The following ATP7A variants were observed in gnomAD, a reference collection of about 807,000 sequenced individuals.
ATP7A encodes the protein ATPase copper transporting alpha.
In ATP7A, 7 loss-of-function variants were observed where a neutral mutation model predicts 83.5. The observed-to-expected ratio is 0.08, with a 90% CI of 0.05 to 0.16. ATP7A has a LOEUF of 0.16. Among genes scored for constraint, ATP7A ranks in the 10% least tolerant of loss-of-function variants. The pLI is 1.00. For missense variants in ATP7A, 940 were observed against 1,120.8 expected (o/e 0.84, Z 2.30); for synonymous variants, 354 against 395.2 (o/e 0.90, Z 1.24).
At chrX:78,043,553 A>G (rs1200437060) in intron 21 of ATP7A, 119 bp downstream of exon 21, 13 of 547,324 alleles carry the variant, frequency 2.4e-5, no homozygotes, top group Admixed American at 9.6e-5. Flanking sequence ...GCCTACTGGT[A>G]TGGTGAGAGG....
chrX:78,029,155 T>A, intron 14 of ATP7A, 95 bp from the exon 15 acceptor site: 1 of 961,359 alleles, frequency 1.0e-6, no homozygotes, highest in Non-Finnish European at 1.5e-6. Flanking sequence ...TGTCACTTTT[T>A]AAATTGTGGT....
In ATP7A at chrX:77,989,873, G is replaced by T. The variant is rs781846400; in HGVS notation, c.1251G>T (p.Gly417=). Residue 417 remains glycine, a synonymous_variant, in exon 4 of 23, where the codon GGG becomes GGT. Transcript: ENST00000341514. ...SIRVSLANSN[G]TVEYDPLLTS... ...GAGTCTCCCTTGCAAATAGCAATGG[G>T]ACTGTTGAGTATGATCCTCTACTAA... 8.3e-7 allele frequency: 1 copy of T among 1,210,330 alleles called. No homozygotes were observed. The highest frequency in any genetic ancestry group is 1.1e-6 in the Non-Finnish European group (1 of 894,533).
intron 17 of ATP7A, 108 bp from the exon 18 acceptor site, chrX:78,038,728 G>C: frequency 1.1e-6 from 1 of 882,576 alleles, no homozygotes; most frequent in Non-Finnish European, 1.6e-6. Context: ...TGTTCTAGGA[G>C]CAATACAATG....
intron 1 of ATP7A, among the ~76,000 whole-genome samples, chrX:77,920,506 C>T (rs1157990306): frequency 4.5e-5 from 5 of 110,981 alleles, no homozygotes; most frequent in African/African-American, 1.6e-4. Context: ...CGTGAGCCAC[C>T]GCGCCCGGCT....
intron 1 of ATP7A, among the ~76,000 whole-genome samples, chrX:77,917,615 T>A (rs1301011891): frequency 8.9e-6 from 1 of 112,395 alleles, no homozygotes; most frequent in African/African-American, 3.2e-5. Flanking sequence ...GTTGGTAGAA[T>A]GTCATCAGAA....
chrX:78,012,054 C>T (rs1412012346), intron 9 of ATP7A, among the ~76,000 whole-genome samples: 3 of 110,323 alleles, frequency 2.7e-5, no homozygotes, highest in Non-Finnish European at 5.7e-5. Flanking sequence ...AGCATTCCTT[C>T]TGCCTCAGCA....
At chrX:77,928,766 A>G (rs999053018) in intron 1 of ATP7A, among the ~76,000 whole-genome samples, 3 of 112,313 alleles carry the variant, frequency 2.7e-5, no homozygotes, top group Non-Finnish European at 3.8e-5. Context: ...ACAACTGTTC[A>G]AGAAACCCAT....
In ATP7A at chrX:78,046,707, A is replaced by G; in HGVS notation, c.*137A>G. The G allele has an allele frequency of 1.2e-6, 1 of 833,090 alleles. No homozygotes were observed. The highest frequency in any genetic ancestry group is 1.7e-6 in the Non-Finnish European group (1 of 573,689). 68.7% of individuals were successfully genotyped at this position (833,090 alleles called of 1,213,427 possible). On this transcript the variant is annotated 3_prime_UTR_variant, in exon 23 of 23. Transcript: ENST00000341514. ...TAGGGATTCTATTTGAGTTGCGTTTATCTGTTGGCAAAAATATCTTTTTCA... is the reference window on the plus strand; with the variant it reads ...TAGGGATTCTATTTGAGTTGCGTTTGTCTGTTGGCAAAAATATCTTTTTCA...
chrX:77,986,052 C>T (rs782802299), intron 2 of ATP7A, among the ~76,000 whole-genome samples: 34 of 111,753 alleles, frequency 3.0e-4, no homozygotes, highest in Admixed American at 7.6e-4. Flanking sequence ...CTCAACTATA[C>T]GTGGTTTGAC....
intron 1 of ATP7A, among the ~76,000 whole-genome samples, chrX:77,970,759 A>T (rs1172628204): frequency 1.8e-5 from 2 of 112,466 alleles, no homozygotes; most frequent in African/African-American, 3.2e-5. Context: ...AGGGGAAAGG[A>T]TTAAATTCCA....
intron 13 of ATP7A, 54 bp from the exon 14 acceptor site, chrX:78,020,891 A>G: frequency 8.8e-7 from 1 of 1,141,531 alleles, no homozygotes; most frequent in Non-Finnish European, 1.2e-6. Context: ...TCAGTATCAG[A>G]AAAGACTTTG....
intron 2 of ATP7A, among the ~76,000 whole-genome samples, chrX:77,981,047 A>G (rs1338713365): frequency 2.7e-5 from 3 of 112,440 alleles, no homozygotes; most frequent in Non-Finnish European, 5.6e-5. Flanking sequence ...CATACTATGC[A>G]CATCATTCTG....
At position 77,998,541 on chromosome X, in the gene ATP7A, C is replaced by T. The variant is rs782012781; in HGVS notation, c.1400C>T (p.Thr467Ile). 2.5e-6 allele frequency: 3 copies of T among 1,211,673 alleles called. No individual in the cohort carries two copies. The highest frequency in any genetic ancestry group is 1.8e-5 in the South Asian group (1 of 57,010). ...TCGGAAATGCCGCTTTTGACTTCAA[C>T]TAATGAATTTTATACTAAAGGGATG... ...PSSEMPLLTS[T>I]NEFYTKGMTP... The change falls in exon 5 of 23, where the codon ACT becomes ATT. Residue 467 changes from threonine to isoleucine, a missense_variant. By Grantham distance (89) the Thr-to-Ile change is moderately conservative. Transcript: ENST00000341514.
intron 1 of ATP7A, among the ~76,000 whole-genome samples, chrX:77,915,244 G>A (rs1393470619): frequency 9.0e-6 from 1 of 110,820 alleles, no homozygotes; most frequent in African/African-American, 3.3e-5. Flanking sequence ...GAGCCTGGAA[G>A]GTTGAGGCTG....
In ATP7A at chrX:78,009,003, G is replaced by A. The variant is rs2077797682; in HGVS notation, c.1708-99G>A. 7.7e-5 allele frequency: 71 copies of A among 925,277 alleles called. No homozygotes were observed. The South Asian group carries it at 1.3e-3, about 17-fold the overall frequency. The allele number at this position is 925,277 out of a possible 1,213,427, so 76.3% of individuals were successfully genotyped here. ...TGCATTCCAGCCTGGGCGACAGAGC[G>A]AGAGACTCTGTCTCAAAAAAAAAAA... On this transcript the variant is annotated intron_variant, in intron 6 of 22. Coordinates refer to ENST00000341514, the MANE Select transcript of ATP7A (RefSeq NM_000052.7).
At chrX:77,943,878 T>A (rs2077364552) in intron 1 of ATP7A, among the ~76,000 whole-genome samples, 1 of 112,105 alleles carries the variant, frequency 8.9e-6, no homozygotes, top group Non-Finnish European at 1.9e-5. Flanking sequence ...ATTTTAACTA[T>A]TTTAGATATG....
At chrX:77,958,052 G>A in intron 1 of ATP7A, among the ~76,000 whole-genome samples, 1 of 111,000 alleles carries the variant, frequency 9.0e-6, no homozygotes, top group Admixed American at 9.6e-5. Context: ...GCAAGATATG[G>A]TGGGGGGTTT....
intron 1 of ATP7A, among the ~76,000 whole-genome samples, chrX:77,930,625 C>A (rs782545810): frequency 8.9e-6 from 1 of 112,064 alleles, no homozygotes; most frequent in East Asian, 2.8e-4. Flanking sequence ...TGAACTCAGA[C>A]TTAACTACTT....
chrX:78,010,087 T>G (rs782474920), intron 7 of ATP7A, among the ~76,000 whole-genome samples: 66 of 112,587 alleles, frequency 5.9e-4, no homozygotes, highest in African/African-American at 2.0e-3. Context: ...TCAGTTAAGA[T>G]CCTATTTGTA....
Sources: allele counts gnomAD v4.1 joint callset (sites outside exome capture counted in the v4.1 genomes callset), GRCh38; gene constraint gnomAD v4.1.1; transcripts MANE v1.5; gene names NCBI Gene and HGNC (gene_info 2026-07-23, HGNC 2026-07-21).